Variants in SRGAP3 observed in about 807,000 individuals in gnomAD.
SRGAP3 encodes SLIT-ROBO Rho GTPase activating protein 3.
A neutral mutation model predicts 121.1 loss-of-function variants in SRGAP3; 39 were observed. That is an observed-to-expected ratio of 0.32 (90% CI 0.25 to 0.42). The LOEUF is 0.42. SRGAP3 is among the 10% of genes least tolerant of loss of function. SRGAP3 has a pLI of 1.00. For synonymous variants in SRGAP3, 601 were observed against 570.0 expected (o/e 1.05, Z -0.77); for missense variants, 1,213 against 1,470.6 (o/e 0.82, Z 2.86).
At chr3:9,143,951 C>T (rs909804988) in intron 1 of SRGAP3, among the ~76,000 whole-genome samples, 1 of 152,208 alleles carries the variant, frequency 6.6e-6, no homozygotes, top group Non-Finnish European at 1.5e-5. Flanking sequence ...ACAAATTCCT[C>T]TCCATCTCCA....
chr3:8,991,036 T>A (rs991931578), intron 20 of SRGAP3, among the ~76,000 whole-genome samples, 197 bp from the exon 21 acceptor site: 4 of 152,180 alleles, frequency 2.6e-5, no homozygotes, highest in Non-Finnish European at 5.9e-5. Context: ...GGGGGAGGTC[T>A]AATCTGTAAA....
At chr3:9,253,375 G>A (rs1559244862), upstream of SRGAP3, among the ~76,000 whole-genome samples, 2 of 152,022 alleles carry the variant, frequency 1.3e-5, no homozygotes, top group South Asian at 4.1e-4. Flanking sequence ...AAAAGAATTT[G>A]GGGTTAAAAA....
intron 1 of SRGAP3, among the ~76,000 whole-genome samples, chr3:9,354,434 C>T (rs1206424884): frequency 6.6e-6 from 1 of 152,080 alleles, no homozygotes; most frequent in African/African-American, 2.4e-5. Flanking sequence ...AATCCCAGCA[C>T]TTTGGGAGGC....
Position 9,053,063 on chromosome 3 carries a change from T to C in SRGAP3, c.1287A>G (p.Arg429=). 6.2e-7 allele frequency: 1 copy of C among 1,614,106 alleles called. No individual in the cohort carries two copies. Among genetic ancestry groups the C allele is most frequent in the Non-Finnish European group, 8.5e-7 (1 of 1,180,018 alleles). ...YMSKINIAKR[R]ANQQETEMFY... is the part of the protein sequence containing the mutation. ...ACATTTCTGTTTCCTGCTGGTTGGC[T>C]CTCCTCTTGGCAATGTTGATCTTGC... Residue 429 remains arginine, a synonymous_variant, in exon 9 of 22, where the codon AGA becomes AGG. Transcript: ENST00000383836.
At chr3:9,062,588 G>A (rs1189020361) in intron 5 of SRGAP3, among the ~76,000 whole-genome samples, 1 of 152,024 alleles carries the variant, frequency 6.6e-6, no homozygotes, top group Admixed American at 6.6e-5. Context: ...CCATAGATTT[G>A]TCTATGCTGG....
At chr3:9,283,019 CTCTG>C (rs1331954984) in intron 3 of SRGAP3, among the ~76,000 whole-genome samples, 143 of 151,898 alleles carry the variant, frequency 9.4e-4, no homozygotes, top group African/African-American at 3.4e-3. Flanking sequence ...TCACTGCAAT[CTCTG>C]TCTGCCTCCT....
chr3:9,111,167 G>C (rs184985281), intron 2 of SRGAP3, among the ~76,000 whole-genome samples: 1 of 152,368 alleles, frequency 6.6e-6, no homozygotes, highest in Admixed American at 6.5e-5. Context: ...CAGACAGTCT[G>C]GTGAAGAGAC....
At chr3:9,011,485 G>A (rs1943373476) in intron 17 of SRGAP3, among the ~76,000 whole-genome samples, 1 of 152,138 alleles carries the variant, frequency 6.6e-6, no homozygotes, top group Non-Finnish European at 1.5e-5. Context: ...GCTATGCTCT[G>A]ACCACACTGA....
intron 9 of SRGAP3, among the ~76,000 whole-genome samples, chr3:9,051,017 CTTTTTTTTTTTTTTTTTT>C (rs71049766): frequency 1.2e-5 from 1 of 81,830 alleles, no homozygotes; most frequent in Non-Finnish European, 2.4e-5. Flanking sequence ...AGCCTCATTG[CTTTTTTTTTTTTTTTTTT>C]TTTTTTTTTT....
chr3:9,288,970 A>C (rs112423797), intron 3 of SRGAP3, among the ~76,000 whole-genome samples: 1 of 151,350 alleles, frequency 6.6e-6, no homozygotes, highest in African/African-American at 2.4e-5. Flanking sequence ...GATCTTGGCT[A>C]ACTGCAACCT....
chr3:9,153,397 G>GA (rs1360546174), intron 1 of SRGAP3, among the ~76,000 whole-genome samples: 2 of 152,082 alleles, frequency 1.3e-5, no homozygotes, highest in Admixed American at 6.5e-5. Flanking sequence ...GATTTATAGA[G>GA]AAAAAAACCT....
chr3:9,329,230 T>G (rs552697183), intron 2 of SRGAP3, among the ~76,000 whole-genome samples: 18 of 152,310 alleles, frequency 1.2e-4, no homozygotes, highest in African/African-American at 3.9e-4. Flanking sequence ...TTTTTACCAT[T>G]CATTCAACCA....
chr3:9,214,069 C>T (rs562828081), intron 1 of SRGAP3, among the ~76,000 whole-genome samples: 1 of 151,916 alleles, frequency 6.6e-6, no homozygotes, highest in South Asian at 2.1e-4. Flanking sequence ...TGTTACTTAA[C>T]CCTTTTATTG....
At chr3:9,164,432 G>A (rs1950711874) in intron 1 of SRGAP3, among the ~76,000 whole-genome samples, 1 of 151,994 alleles carries the variant, frequency 6.6e-6, no homozygotes, top group African/African-American at 2.4e-5. Context: ...TGGGACTACA[G>A]GCATGTACAA....
chr3:9,067,654 G>A (rs1239469144), intron 4 of SRGAP3, among the ~76,000 whole-genome samples: 3 of 152,184 alleles, frequency 2.0e-5, no homozygotes, highest in East Asian at 1.9e-4. Flanking sequence ...CAGGGGAGGC[G>A]GCGGGAGGGA....
chr3:9,256,002 T>C (rs903223568), intron 3 of SRGAP3, among the ~76,000 whole-genome samples: 8 of 152,098 alleles, frequency 5.3e-5, no homozygotes, highest in Non-Finnish European at 8.8e-5. Context: ...CACCTGACCC[T>C]GCATCTGGTG....
chr3:9,028,164 G>C, intron 12 of SRGAP3: 1 of 1,613,958 alleles, frequency 6.2e-7, no homozygotes, highest in Non-Finnish European at 8.5e-7. Flanking sequence ...AGCAGAGCAG[G>C]AGAAAAAGAA....
chr3:9,258,660 T>C (rs1000883053), intron 3 of SRGAP3, among the ~76,000 whole-genome samples: 4 of 152,198 alleles, frequency 2.6e-5, no homozygotes, highest in Admixed American at 6.5e-5. Context: ...GCTCTCTGCA[T>C]CCTCTTATCA....
intron 2 of SRGAP3, among the ~76,000 whole-genome samples, chr3:9,114,228 G>A (rs1948727094): frequency 1.3e-5 from 2 of 152,134 alleles, no homozygotes; most frequent in Admixed American, 6.5e-5. Flanking sequence ...ACGAAGTGAC[G>A]ACTACCTCAT....
Sources: allele counts gnomAD v4.1 joint callset (sites outside exome capture counted in the v4.1 genomes callset), GRCh38; gene constraint gnomAD v4.1.1; transcripts MANE v1.5; gene names NCBI Gene and HGNC (gene_info 2026-07-23, HGNC 2026-07-21).